The following MYO7B variants were observed in gnomAD, a reference collection of about 807,000 sequenced individuals.
MYO7B encodes unconventional myosin-VIIb.
Under a neutral mutation model 259.7 loss-of-function variants are expected in MYO7B, and 212 were observed. The ratio of observed to expected loss-of-function variants is 0.82; its 90% CI spans 0.73 to 0.91. The LOEUF is 0.91. Ranked by LOEUF, MYO7B falls within the 40% of genes least tolerant of loss-of-function variation. MYO7B has a pLI of 0.00. For missense variants in MYO7B, 2,732 were observed against 2,813.5 expected, an observed-to-expected ratio of 0.97 and a Z score of 0.66; for synonymous variants, 1,197 against 1,166.4, an observed-to-expected ratio of 1.03 and a Z score of -0.54.
rs562365051 is a variant in MYO7B at position 127,636,597 on chromosome 2, A to G, written c.6176A>G (p.His2059Arg). 7 of 1,612,822 alleles carry G rather than the reference A, an allele frequency of 4.3e-6. No individual in the cohort carries two copies. In the African/African-American group the frequency reaches 9.3e-5, roughly 22 times the overall value. Residue 2059 changes from histidine (H) to arginine (R), a missense_variant, in exon 46 of 48, where the codon CAT becomes CGT. By Grantham distance (29) the His-to-Arg change is conservative. This residue lies in a region of MYO7B where 821 missense variants were observed against 769.3 expected (regional missense o/e 1.07). Transcript: ENST00000409816. This position sits in a 1 kb window ranked among gnomAD's most constrained non-coding sequence, Gnocchi z 4.5. ...PDVILIAINRHGVLLIHPKTK... is the reference protein window; with the variant it reads ...PDVILIAINRRGVLLIHPKTK... ...GTCATCCTCATCGCCATCAACCGACATGGGGTTCTGCTCATCCACCCCAAG... is the reference window on the plus strand; with the variant it reads ...GTCATCCTCATCGCCATCAACCGACGTGGGGTTCTGCTCATCCACCCCAAG...
Position 127,613,583 on chromosome 2 carries a change from G to T in MYO7B, c.3398+980G>T, listed in dbSNP as rs147610644. On this transcript the variant is annotated intron_variant, in intron 26 of 47. Transcript: ENST00000409816. This position sits in a 1 kb window ranked among gnomAD's most constrained non-coding sequence, Gnocchi z 4.3. ...GTCTCTATTAACTGTCTTTTCTCTT[G>T]AGGATGGTGGTGTGTTTGTTTGCTC... Among the ~76,000 whole-genome samples the T allele has an allele frequency of 4.2e-3, 646 of 152,296 alleles. 4 individuals carry two copies. The highest frequency in any genetic ancestry group is 0.015 in the African/African-American group (615 of 41,554).
rs1368786534 is a variant in MYO7B, at chr2:127,625,443, C to CA, written c.4124dup (p.Glu1376GlyfsTer83). The CA allele has an allele frequency of 6.2e-7, 1 of 1,612,082 alleles. No homozygotes were observed. Among genetic ancestry groups the CA allele is most frequent in the Admixed American group, 1.7e-5 (1 of 59,910 alleles). On this transcript the variant is annotated frameshift_variant, in exon 31 of 48. Coordinates refer to ENST00000409816, the MANE Select transcript of MYO7B (RefSeq NM_001393586.1). LOFTEE classifies it high-confidence loss of function. ...CGCCTCAGCAGAGAGCAAGGCTGTC[C>CA]AGGAGCTGCTGCCCAGCTGCATCCC...
intron 18 of MYO7B, among the ~76,000 whole-genome samples, chr2:127,594,486 G>A (rs1206898438): frequency 1.3e-5 from 2 of 152,194 alleles, no homozygotes; most frequent in Non-Finnish European, 1.5e-5. Context: ...CCATTTGGCT[G>A]TGCAGTAGTC....
In MYO7B at chr2:127,590,114, C is replaced by T. The variant is rs148645893; in HGVS notation, c.1877C>T (p.Pro626Leu). The T allele has an allele frequency of 1.9e-6, 3 of 1,594,254 alleles. No homozygotes were observed. The highest frequency in any genetic ancestry group is 2.7e-5 in the African/African-American group (2 of 74,500). Residue 626 changes from proline (P) to leucine (L), a missense_variant, in exon 16 of 48, where the codon CCC becomes CTC. Pro to Leu is a moderately conservative substitution (Grantham distance 98). Around this residue, in one of 3 missense-constraint regions of MYO7B, gnomAD observed 1,906 missense variants for 2,026.4 expected, o/e 0.94. Coordinates refer to ENST00000409816, the MANE Select transcript of MYO7B (RefSeq NM_001393586.1). This position sits in a 1 kb window ranked among gnomAD's most constrained non-coding sequence, Gnocchi z 4.6. ...CAGTCTGCAGACTCAAATAAACGGC[C>T]CTCCACCTTAGGAAGCCAGTTCAAA... ...LFKSADSNKR[P>L]STLGSQFKQS... is the part of the protein sequence containing the mutation.
At position 127,635,764 on chromosome 2, in the gene MYO7B, G is replaced by C. The variant is rs781223430; in HGVS notation, c.5863G>C (p.Glu1955Gln). 1.4e-5 allele frequency: 22 copies of C among 1,602,914 alleles called. No homozygotes were observed. Among genetic ancestry groups the C allele is most frequent in the Non-Finnish European group, 1.9e-5 (22 of 1,174,890 alleles). The change falls in exon 44 of 48, where the codon GAG (glutamate) becomes CAG (glutamine). Residue 1955 changes from glutamate (E) to glutamine (Q), a missense_variant. Coordinates refer to ENST00000409816, the MANE Select transcript of MYO7B (RefSeq NM_001393586.1). ...GCGCGGATTCCACAAGTGTTCGCGG[G>C]AGGATGCCATCCACCTGGCGGGCCT... ...YLRGFHKCSR[E>Q]DAIHLAGLIY...
chr2:127,538,246 T>C (rs1692867169), intron 1 of MYO7B, among the ~76,000 whole-genome samples: 1 of 151,648 alleles, frequency 6.6e-6, no homozygotes, highest in Non-Finnish European at 1.5e-5. Flanking sequence ...TGTTGGCGCC[T>C]GGCAGGGATG....
chr2:127,566,855 C>G (rs376824120), intron 5 of MYO7B, 28 bp downstream of exon 5: 1 of 1,592,426 alleles, frequency 6.3e-7, no homozygotes, highest in African/African-American at 1.3e-5. Flanking sequence ...GGCACCACCT[C>G]CAGGCATCTC....
Position 127,559,726 on chromosome 2 carries a change from T to C in MYO7B, c.4T>C (p.Ser2Pro). 6.2e-7 allele frequency: 1 copy of C among 1,613,946 alleles called. No homozygotes were observed. The highest frequency in any genetic ancestry group is 8.5e-7 in the Non-Finnish European group (1 of 1,179,880). ...CTTGTGGAACTGCTGACTCAGGATG[T>C]CGGGGTTCAGGCTGGTAAGAATTGT... M[S>P]GFRLGDHVWL... Residue 2 changes from serine to proline, a missense_variant, in exon 2 of 48, where the codon TCG becomes CCG. Ser to Pro is a moderately conservative substitution (Grantham distance 74). Coordinates refer to ENST00000409816, the MANE Select transcript of MYO7B (RefSeq NM_001393586.1). The surrounding 1 kb of genome is among the most constrained non-coding windows in gnomAD (Gnocchi z 4.1).
intron 19 of MYO7B, among the ~76,000 whole-genome samples, chr2:127,598,360 A>G (rs770856823): frequency 1.3e-5 from 2 of 152,008 alleles, no homozygotes; most frequent in African/African-American, 4.8e-5. Flanking sequence ...GATGTGGAAC[A>G]CCTTTGTGTG....
Position 127,607,748 on chromosome 2 carries a change from G to T in MYO7B, c.2643+324G>T, listed in dbSNP as rs1023304954. On this transcript the variant is annotated intron_variant, in intron 21 of 47. Transcript: ENST00000409816. The surrounding 1 kb of genome is among the most constrained non-coding windows in gnomAD (Gnocchi z 4.4). The stretch of plus-strand genomic sequence containing the variant: ...AGCCGTGGCCACCACCCAGGAGCAC[G>T]CAGGGTATAGCATGGGAGAGGCAGC... Among the ~76,000 whole-genome samples the T allele has an allele frequency of 6.6e-6, 1 of 152,184 alleles. No individual in the cohort carries two copies. Among genetic ancestry groups the T allele is most frequent in the Non-Finnish European group, 1.5e-5 (1 of 68,038 alleles).
intron 1 of MYO7B, among the ~76,000 whole-genome samples, chr2:127,549,469 T>C (rs1380486768): frequency 6.6e-6 from 1 of 152,176 alleles, no homozygotes; most frequent in Non-Finnish European, 1.5e-5. Flanking sequence ...ATAGGTTTCT[T>C]GTGGACAACA....
chr2:127,562,936 A>G (rs1370527609), intron 2 of MYO7B, among the ~76,000 whole-genome samples: 1 of 152,182 alleles, frequency 6.6e-6, no homozygotes, highest in South Asian at 2.1e-4. Flanking sequence ...AACAAATTCT[A>G]TATCATTTTG....
intron 47 of MYO7B, 141 bp from the exon 48 acceptor site, chr2:127,637,175 G>A (rs534308876): frequency 1.2e-5 from 11 of 884,094 alleles, no homozygotes; most frequent in African/African-American, 5.0e-5. Flanking sequence ...CAGAAATGAC[G>A]GCCCCAATGG....
At chr2:127,560,685 C>T (rs1678049964) in intron 2 of MYO7B, among the ~76,000 whole-genome samples, 1 of 152,166 alleles carries the variant, frequency 6.6e-6, no homozygotes, top group Non-Finnish European at 1.5e-5. Flanking sequence ...GCCTGTGCAT[C>T]CTTCCCTGCC....
chr2:127,571,020 C>G (rs1240342632), intron 6 of MYO7B, among the ~76,000 whole-genome samples: 1 of 152,166 alleles, frequency 6.6e-6, no homozygotes, highest in African/African-American at 2.4e-5. Flanking sequence ...TCGTTTTTAG[C>G]TGCTAGGAGT....
At chr2:127,580,913 AC>A (rs1679074295) in intron 10 of MYO7B, 91 bp downstream of exon 10, 2 of 1,263,482 alleles carry the variant, frequency 1.6e-6, no homozygotes, top group Non-Finnish European at 1.1e-6. Context: ...TTATAACCCT[AC>A]CCAGGCCCCC....
Position 127,559,840 on chromosome 2 carries a change from A to T in MYO7B, c.18+100A>T. The T allele has an allele frequency of 7.5e-7, 1 of 1,342,014 alleles. No individual in the cohort carries two copies. The highest frequency in any genetic ancestry group is 1.1e-6 in the Non-Finnish European group (1 of 932,882). The allele number at this position is 1,342,014 out of a possible 1,614,324, so 83.1% of individuals were successfully genotyped here. ...AAGAGAGGAAAGGCAATGAGACCCT[A>T]TAGGAAAATACCAGAGACAGGGGAG... is the stretch of plus-strand genomic sequence containing the variant. On this transcript the variant is annotated intron_variant, in intron 2 of 47. Coordinates refer to ENST00000409816, the MANE Select transcript of MYO7B (RefSeq NM_001393586.1). This position sits in a 1 kb window ranked among gnomAD's most constrained non-coding sequence, Gnocchi z 4.1.
rs367822465 is a variant in MYO7B, at chr2:127,566,615, G to C, written c.286-28G>C. ...GCCGAGTACCTCTGCCAGGGGCAGA[G>C]GGCACTGACCACCTGCTTCCTTCCC... is the stretch of plus-strand genomic sequence containing the variant. On this transcript the variant is annotated intron_variant, in intron 4 of 47. Coordinates refer to ENST00000409816, the MANE Select transcript of MYO7B (RefSeq NM_001393586.1). 1.4e-4 allele frequency: 214 copies of C among 1,536,434 alleles called. No individual in the cohort carries two copies. The African/African-American group carries it at 2.8e-3, about 20-fold the overall frequency.
chr2:127,568,790 A>T (rs1456546521), intron 5 of MYO7B, among the ~76,000 whole-genome samples: 2 of 151,930 alleles, frequency 1.3e-5, no homozygotes, highest in African/African-American at 2.4e-5. Flanking sequence ...TCAGCTACTC[A>T]GGAGGGTGAG....
Sources: gnomAD v4.1 joint callset for allele counts (sites outside exome capture counted in the v4.1 genomes callset) on GRCh38, gnomAD v4.1.1 for gene constraint, gnomAD v4.1.1 regional missense constraint, Gnocchi (gnomAD v3.1) non-coding constraint, MANE v1.5 for transcripts, NCBI Gene and HGNC (gene_info 2026-07-23, HGNC 2026-07-21) for gene names.